Variants in DBT observed in about 807,000 individuals in gnomAD.
DBT encodes the protein dihydrolipoamide branched chain transacylase E2.
A neutral mutation model predicts 51.3 loss-of-function variants in DBT; 40 were observed. The observed-to-expected ratio is 0.78, with a 90% CI of 0.61 to 1.02. The LOEUF (loss-of-function observed/expected upper bound fraction) is 1.02, where lower values mean the gene tolerates loss of function less well. DBT is among the 50% of genes least tolerant of loss of function. The probability of loss-of-function intolerance (pLI) is 0.00; values close to 1 mark genes in which losing one functional copy is unlikely to be tolerated. For missense variants in DBT, 510 were observed against 580.2 expected, an observed-to-expected ratio of 0.88 and a Z score of 1.24; for synonymous variants, 181 against 190.4, an observed-to-expected ratio of 0.95 and a Z score of 0.41.
At position 100,196,293 on chromosome 1, in the gene DBT, A is replaced by T; in HGVS notation, c.1411T>A (p.Leu471Ile). The part of the protein sequence containing the change: ...SRFSNLWKSY[L>I]ENPAFMLLDL... ...AGTAGCATAAAAGCTGGGTTTTCTA[A>T]ATAGGATTTCCACAAATTGGAGAAG... The change falls in exon 11 of 11, where the codon TTA (leucine) becomes ATA (isoleucine). Residue 471 changes from leucine (L) to isoleucine (I), a missense_variant. By Grantham distance (5) the Leu-to-Ile change is conservative. Transcript: ENST00000370132. 1 of 1,614,038 alleles carries T rather than the reference A, an allele frequency of 6.2e-7. No individual in the cohort carries two copies. The highest frequency in any genetic ancestry group is 8.5e-7 in the Non-Finnish European group (1 of 1,180,002).
chr1:100,249,680 T>C, intron 1 of DBT, 90 bp downstream of exon 1: 1 of 1,294,678 alleles, frequency 7.7e-7, no homozygotes, highest in Non-Finnish European at 1.1e-6. Flanking sequence ...CCTGGACGCC[T>C]GGCACCGGAG....
rs995412356 is a variant in DBT at position 100,238,697 on chromosome 1, A to G, written c.175+2064T>C. 2.0e-5 allele frequency among the ~76,000 whole-genome samples: 3 copies of G among 152,052 alleles called. 1 individual carries two copies. In the South Asian group the frequency reaches 6.2e-4, roughly 32 times the overall value. ...ATTTTTTGTAGAGGCAGGGTCTCAT[A>G]TCAATGGTTAAGCTAGGCTAGTCTA... On this transcript the variant is annotated intron_variant, in intron 2 of 10. Transcript: ENST00000370132.
chr1:100,245,947 G>A (rs904746885), intron 1 of DBT, among the ~76,000 whole-genome samples: 1 of 149,846 alleles, frequency 6.7e-6, no homozygotes, highest in African/African-American at 2.5e-5. Context: ...GCAAGAACTT[G>A]TCTCAAAAAT....
In DBT at chr1:100,193,291, C is replaced by T. The variant is rs933789529; in HGVS notation, c.*2964G>A. The T allele has an allele frequency of 6.6e-6, 1 of 152,154 alleles. No individual in the cohort carries two copies. The highest frequency in any genetic ancestry group is 6.5e-5 in the Admixed American group (1 of 15,276). The allele number at this position is 152,154 out of a possible 1,614,324, so 9.4% of individuals were successfully genotyped here. On this transcript the variant is annotated 3_prime_UTR_variant, in exon 11 of 11. Coordinates refer to ENST00000370132, the MANE Select transcript of DBT (RefSeq NM_001918.5). ...AAGTGAGGAGGACATTTTTATTGAT[C>T]ATGTCATTATTCATTTAAAACTCAA...
intron 1 of DBT, among the ~76,000 whole-genome samples, chr1:100,247,124 A>T (rs1314746382): frequency 6.6e-6 from 1 of 152,198 alleles, no homozygotes; most frequent in African/African-American, 2.4e-5. Context: ...TTTGGTAAGG[A>T]ATGAGATCTA....
chr1:100,220,859 G>A (rs931885413), intron 4 of DBT, among the ~76,000 whole-genome samples: 1 of 152,076 alleles, frequency 6.6e-6, no homozygotes, highest in Non-Finnish European at 1.5e-5. Flanking sequence ...TATAGTTCAA[G>A]GCATAATTTT....
Position 100,189,632 on chromosome 1 carries a change from A to T in DBT, c.*6623T>A, listed in dbSNP as rs1296716977. 2 of 152,238 alleles carry T rather than the reference A, an allele frequency of 1.3e-5. No homozygotes were observed. Among genetic ancestry groups the T allele is most frequent in the Non-Finnish European group, 2.9e-5 (2 of 68,064 alleles). 9.4% of individuals were successfully genotyped at this position (152,238 alleles called of 1,614,324 possible). On this transcript the variant is annotated 3_prime_UTR_variant, in exon 11 of 11. Coordinates refer to ENST00000370132, the MANE Select transcript of DBT (RefSeq NM_001918.5). ...CACTGGGGAAAAAAGCCAGGATTGC[A>T]AGGAGTTAAAGATCACCCATTCAAG... is the stretch of plus-strand genomic sequence containing the variant.
intron 1 of DBT, 82 bp downstream of exon 1, chr1:100,249,688 G>A (rs891685842): frequency 6.6e-6 from 9 of 1,373,318 alleles, no homozygotes; most frequent in Non-Finnish European, 9.4e-6. Flanking sequence ...CCTGGCACCG[G>A]AGGAGAAAGT....
intron 7 of DBT, chr1:100,213,817 G>A: frequency 4.2e-6 from 6 of 1,417,382 alleles, no homozygotes; most frequent in Non-Finnish European, 5.5e-6. Flanking sequence ...GCGGTTTCCC[G>A]GAGCGTGGAG....
chr1:100,240,995 T>A, intron 1 of DBT, 111 bp from the exon 2 acceptor site: 2 of 1,071,334 alleles, frequency 1.9e-6, no homozygotes, highest in Non-Finnish European at 2.8e-6. Flanking sequence ...ATTGTCACAA[T>A]AGAAATATTA....
chr1:100,225,981 A>G (rs994336958), intron 4 of DBT, among the ~76,000 whole-genome samples: 1 of 152,180 alleles, frequency 6.6e-6, no homozygotes, highest in Non-Finnish European at 1.5e-5. Flanking sequence ...ACAACAGAGC[A>G]AGACCCCATG....
chr1:100,207,637 C>T (rs1557944774), intron 8 of DBT, among the ~76,000 whole-genome samples: 1 of 152,064 alleles, frequency 6.6e-6, no homozygotes, highest in Non-Finnish European at 1.5e-5. Context: ...GCCTGGGCAA[C>T]ATAGCAAGAC....
chr1:100,187,984 G>T lies in DBT; in HGVS notation c.*8271C>A, dbSNP rs1296564079. The T allele has an allele frequency of 6.6e-6, 1 of 152,228 alleles. No individual in the cohort carries two copies. 9.4% of individuals were successfully genotyped at this position (152,228 alleles called of 1,614,324 possible). On this transcript the variant is annotated 3_prime_UTR_variant, in exon 11 of 11. Transcript: ENST00000370132. The stretch of plus-strand genomic sequence containing the variant: ...TTCTAATATACACCTAGTTATTAGA[G>T]AAATTAGTGCACTAAAGGACAGTGG...
At chr1:100,224,242 G>A (rs992798195) in intron 4 of DBT, among the ~76,000 whole-genome samples, 4 of 152,200 alleles carry the variant, frequency 2.6e-5, no homozygotes, top group African/African-American at 9.6e-5. Context: ...AAGACTTTGT[G>A]TTCGTCTTTT....
At chr1:100,247,938 C>T (rs1207322807) in intron 1 of DBT, among the ~76,000 whole-genome samples, 3 of 151,798 alleles carry the variant, frequency 2.0e-5, no homozygotes, top group South Asian at 2.1e-4. Context: ...CTCGTCTCTA[C>T]TAAAAATACA....
chr1:100,247,491 G>A (rs1334880780), intron 1 of DBT, among the ~76,000 whole-genome samples: 1 of 152,050 alleles, frequency 6.6e-6, no homozygotes, highest in Non-Finnish European at 1.5e-5. Context: ...CTGAGGTCAG[G>A]AATTCAAGAC....
At position 100,240,832 on chromosome 1, in the gene DBT, T is replaced by A; in HGVS notation, c.104A>T (p.Asn35Ile). The change falls in exon 2 of 11, where the codon AAT becomes ATT. Residue 35 changes from asparagine (N) to isoleucine (I), a missense_variant. Physicochemically the swap from Asn to Ile is moderately radical, Grantham distance 149. Coordinates refer to ENST00000370132, the MANE Select transcript of DBT (RefSeq NM_001918.5). ...TCGNVHVLKP[N>I]YVCFFGYPSF... ...AGGATAACCAAAGAAACACACATAA[T>A]TTGGCTTCAAAACATGAACATTACC... The A allele has an allele frequency of 6.2e-7, 1 of 1,611,696 alleles. No individual in the cohort carries two copies. Among genetic ancestry groups the A allele is most frequent in the Non-Finnish European group, 8.5e-7 (1 of 1,177,970 alleles).
intron 2 of DBT, among the ~76,000 whole-genome samples, chr1:100,239,554 CAAA>C (rs35771966): frequency 1.4e-5 from 2 of 146,708 alleles, no homozygotes; most frequent in Admixed American, 6.8e-5. Flanking sequence ...GACCCTGTCT[CAAA>C]AAAAAAAAAG....
chr1:100,234,120 CT>C (rs1441633799), intron 3 of DBT, among the ~76,000 whole-genome samples: 3 of 152,062 alleles, frequency 2.0e-5, no homozygotes, highest in African/African-American at 7.3e-5. Context: ...CTCTACTTTA[CT>C]TTTTACAATA....
Sources: gnomAD v4.1 joint callset for allele counts (sites outside exome capture counted in the v4.1 genomes callset) on GRCh38, gnomAD v4.1.1 for gene constraint, MANE v1.5 for transcripts, NCBI Gene and HGNC (gene_info 2026-07-23, HGNC 2026-07-21) for gene names.